Variants in TSPAN5 observed in about 807,000 individuals in gnomAD.
The protein encoded by TSPAN5 is tetraspanin 5, also known as tetraspanin-5.
In TSPAN5, 10 loss-of-function variants were observed where a neutral mutation model predicts 37.1. That is an observed-to-expected ratio of 0.27 (90% confidence interval 0.17 to 0.46). The LOEUF is 0.46. Ranked by LOEUF, TSPAN5 falls within the 20% of genes least tolerant of loss-of-function variation. The pLI is 1.00. For missense variants in TSPAN5, 195 were observed against 326.6 expected, an observed-to-expected ratio of 0.60 and a Z score of 3.11; for synonymous variants, 110 against 118.9, an observed-to-expected ratio of 0.93 and a Z score of 0.48.
At chr4:98,580,048 T>C (rs968635956) in intron 1 of TSPAN5, among the ~76,000 whole-genome samples, 1 of 152,212 alleles carries the variant, frequency 6.6e-6, no homozygotes, top group Non-Finnish European at 1.5e-5. Flanking sequence ...TTATTAGTGA[T>C]TCTCTCCATG....
intron 2 of TSPAN5, among the ~76,000 whole-genome samples, chr4:98,504,374 A>G (rs1753427406): frequency 6.6e-6 from 1 of 152,168 alleles, no homozygotes; most frequent in African/African-American, 2.4e-5. Context: ...GGCCTGGCCG[A>G]ACTCAGAAAT....
Position 98,621,454 on chromosome 4 carries a change from G to A in TSPAN5, c.81+36692C>T, listed in dbSNP as rs6842722. ...GCGATCTCTGCTTACTGCAAGCTCT[G>A]CCCCCCAGGTTCATACCATCCTCCT... On this transcript the variant is annotated intron_variant, in intron 1 of 7. Coordinates refer to ENST00000305798, the MANE Select transcript of TSPAN5 (RefSeq NM_005723.4). 9.8e-3 allele frequency among the ~76,000 whole-genome samples: 1,410 copies of A among 143,262 alleles called. 32 individuals carry two copies. Among genetic ancestry groups the A allele is most frequent in the African/African-American group, 0.035 (1,355 of 38,298 alleles). 94.0% of individuals were successfully genotyped at this position (143,262 alleles called of 152,430 possible).
chr4:98,567,077 A>T (rs1365957428), intron 1 of TSPAN5, among the ~76,000 whole-genome samples: 1 of 152,242 alleles, frequency 6.6e-6, no homozygotes, highest in African/African-American at 2.4e-5. Flanking sequence ...GCAAAGGGGC[A>T]CTCAATAAAT....
chr4:98,485,963 G>C (rs111753059), intron 3 of TSPAN5, among the ~76,000 whole-genome samples: 1,804 of 152,056 alleles, frequency 0.012, 31 homozygotes, highest in African/African-American at 0.041. Flanking sequence ...TGGATGCTTC[G>C]TATAGAGAGC....
At chr4:98,551,334 G>C (rs1346374222) in intron 1 of TSPAN5, among the ~76,000 whole-genome samples, 1 of 150,074 alleles carries the variant, frequency 6.7e-6, no homozygotes, top group African/African-American at 2.4e-5. Flanking sequence ...TTGGCCTCTA[G>C]TTTTCTTTTT....
intron 1 of TSPAN5, among the ~76,000 whole-genome samples, chr4:98,652,203 A>G (rs1327686202): frequency 1.3e-5 from 2 of 152,098 alleles, no homozygotes; most frequent in Non-Finnish European, 2.9e-5. Flanking sequence ...ACAATGCGCA[A>G]GACACTGGGC....
chr4:98,531,134 A>G (rs976236290), intron 1 of TSPAN5, among the ~76,000 whole-genome samples: 2 of 152,116 alleles, frequency 1.3e-5, no homozygotes, highest in African/African-American at 2.4e-5. Context: ...GTTTCATTAC[A>G]TAGGTATACA....
At chr4:98,543,956 T>C (rs6854339) in intron 1 of TSPAN5, among the ~76,000 whole-genome samples, 94,298 of 151,744 alleles carry the variant, frequency 0.62, 29,712 homozygotes, top group South Asian at 0.8. Flanking sequence ...GGCAGGAGGA[T>C]TGTCTGGGGC....
chr4:98,509,070 G>A (rs1293387036), intron 1 of TSPAN5, among the ~76,000 whole-genome samples: 1 of 152,138 alleles, frequency 6.6e-6, no homozygotes, highest in African/African-American at 2.4e-5. Flanking sequence ...TGTGTAATTG[G>A]CCATGAGTAA....
At chr4:98,505,788 C>T (rs1168701909) in intron 2 of TSPAN5, among the ~76,000 whole-genome samples, 7 of 152,180 alleles carry the variant, frequency 4.6e-5, no homozygotes, top group African/African-American at 1.7e-4. Context: ...GGCTAACACC[C>T]GCTTCACCCT....
intron 3 of TSPAN5, chr4:98,483,352 A>T: frequency 6.6e-6 from 1 of 152,268 alleles, no homozygotes; most frequent in Non-Finnish European, 1.5e-5. Context: ...GGAGGGGTGC[A>T]AAGGAAACAG....
chr4:98,627,958 C>A (rs185487173), intron 1 of TSPAN5, among the ~76,000 whole-genome samples: 44 of 152,256 alleles, frequency 2.9e-4, no homozygotes, highest in African/African-American at 1.0e-3. Flanking sequence ...GGCAACATGC[C>A]TAGAATTTAG....
chr4:98,646,377 GA>G (rs1757069876), intron 1 of TSPAN5, among the ~76,000 whole-genome samples: 1 of 152,066 alleles, frequency 6.6e-6, no homozygotes, highest in Non-Finnish European at 1.5e-5. Context: ...AAGAACTAAA[GA>G]CACTTAGTTA....
chr4:98,497,266 G>A (rs552057813), intron 2 of TSPAN5, among the ~76,000 whole-genome samples: 23 of 149,454 alleles, frequency 1.5e-4, no homozygotes, highest in African/African-American at 4.2e-4. Context: ...GCAGTGAGCC[G>A]AGATCGTGCC....
intron 1 of TSPAN5, among the ~76,000 whole-genome samples, chr4:98,608,369 C>T (rs902818417): frequency 1.3e-5 from 2 of 152,200 alleles, no homozygotes; most frequent in Non-Finnish European, 1.5e-5. Context: ...CATTCACAGA[C>T]CCCTGGCCCC....
intron 1 of TSPAN5, among the ~76,000 whole-genome samples, chr4:98,513,842 C>T (rs1578958766): frequency 6.7e-6 from 1 of 150,220 alleles, no homozygotes; most frequent in Admixed American, 6.7e-5. Flanking sequence ...ACCCCTGCTA[C>T]TTTTATTCAT....
At chr4:98,492,227 A>T (rs1028241597) in intron 2 of TSPAN5, among the ~76,000 whole-genome samples, 1 of 152,096 alleles carries the variant, frequency 6.6e-6, no homozygotes, top group Non-Finnish European at 1.5e-5. Flanking sequence ...AGTGGCTGAG[A>T]CTCTAAAATG....
chr4:98,581,405 G>A (rs899280169), intron 1 of TSPAN5, among the ~76,000 whole-genome samples: 6 of 151,904 alleles, frequency 3.9e-5, no homozygotes, highest in Non-Finnish European at 8.8e-5. Flanking sequence ...TGTATAATTA[G>A]AGTCAGGAAA....
intron 2 of TSPAN5, among the ~76,000 whole-genome samples, chr4:98,492,602 C>T (rs1207934931): frequency 1.3e-5 from 2 of 152,092 alleles, no homozygotes; most frequent in East Asian, 3.9e-4. Flanking sequence ...CGCACGTGGT[C>T]GAAGCTGGGA....
Sources: allele counts gnomAD v4.1 joint callset (sites outside exome capture counted in the v4.1 genomes callset), GRCh38; gene constraint gnomAD v4.1.1; transcripts MANE v1.5; gene names NCBI Gene and HGNC (gene_info 2026-07-23, HGNC 2026-07-21).